The following NRIP1 variants were observed in gnomAD, a reference collection of about 807,000 sequenced individuals.
NRIP1 encodes nuclear receptor interacting protein 1, also known as nuclear receptor-interacting protein 1.
A neutral mutation model predicts 75.0 loss-of-function variants in NRIP1; 28 were observed. The ratio of observed to expected loss-of-function variants is 0.37; its 90% CI spans 0.28 to 0.51. The LOEUF is 0.51. Among genes scored for constraint, NRIP1 ranks in the 20% least tolerant of loss-of-function variants. The pLI is 0.92. For missense variants in NRIP1, 1,435 were observed against 1,343.7 expected, an observed-to-expected ratio of 1.07 and a Z score of -1.06; for synonymous variants, 526 against 487.6, an observed-to-expected ratio of 1.08 and a Z score of -1.04.
intron 3 of NRIP1, among the ~76,000 whole-genome samples, chr21:14,994,229 A>G (rs1336198134): frequency 1.3e-5 from 2 of 152,084 alleles, no homozygotes; most frequent in African/African-American, 4.8e-5. Flanking sequence ...AGTTCAAGTG[A>G]TTCTCATGCC....
chr21:15,031,869 G>A (rs897469824), intron 2 of NRIP1, among the ~76,000 whole-genome samples: 2 of 150,926 alleles, frequency 1.3e-5, no homozygotes, highest in Non-Finnish European at 2.9e-5. Flanking sequence ...CCCTTTCTAT[G>A]TGTATACACT....
chr21:15,056,232 C>T (rs965503656), intron 1 of NRIP1, among the ~76,000 whole-genome samples: 1 of 150,066 alleles, frequency 6.7e-6, no homozygotes, highest in Non-Finnish European at 1.5e-5. Context: ...CCTGAAAAAT[C>T]TAACGATTCT....
intron 1 of NRIP1, chr21:15,052,452 T>C (rs2147373357): frequency 6.6e-6 from 1 of 152,196 alleles, no homozygotes. Context: ...TCCTATCCTA[T>C]CCCCTCACTA....
In NRIP1 at chr21:14,966,777, A is replaced by T; in HGVS notation, c.1416T>A (p.Asp472Glu). The change falls in exon 4 of 4, where the codon GAT (aspartate) becomes GAA (glutamate). Residue 472 changes from aspartate to glutamate, a missense_variant. By Grantham distance (45) the Asp-to-Glu change is conservative. Coordinates refer to ENST00000318948, the MANE Select transcript of NRIP1 (RefSeq NM_003489.4). ...TGATATCTACATCTGGGACTTTTGG[A>T]TCCCAAGTGTTTAGCAAGGATTGAG... ...NFTQSLLNTW[D>E]PKVPDVDIKE... 6.2e-7 allele frequency: 1 copy of T among 1,614,074 alleles called. No homozygotes were observed.
chr21:15,036,281 T>C (rs180938452), intron 2 of NRIP1, among the ~76,000 whole-genome samples: 43 of 152,326 alleles, frequency 2.8e-4, no homozygotes, highest in African/African-American at 9.9e-4. Flanking sequence ...ACCTATTCAG[T>C]TGCCAAAAGG....
At chr21:15,030,900 A>G (rs8128574) in intron 2 of NRIP1, among the ~76,000 whole-genome samples, 5,400 of 35,008 alleles carry the variant, frequency 0.15, 237 homozygotes, top group African/African-American at 0.34. Flanking sequence ...CGCTCGGAGG[A>G]TCACCACATT....
chr21:15,007,767 T>G lies in NRIP1; in HGVS notation c.-335+6577A>C, dbSNP rs548056800. 1.2e-4 allele frequency among the ~76,000 whole-genome samples: 19 copies of G among 152,192 alleles called. No individual in the cohort carries two copies. In the South Asian group the frequency reaches 4.0e-3, roughly 32 times the overall value. Reference sequence around the variant, plus strand: ...TATCCAACGCTAATGAGAAAAAAAATTAACTCAGCAAACATTTCTTGAGTC... The same window carrying G: ...TATCCAACGCTAATGAGAAAAAAAAGTAACTCAGCAAACATTTCTTGAGTC... On this transcript the variant is annotated intron_variant, in intron 3 of 3. Transcript: ENST00000318948.
Position 15,063,262 on chromosome 21 carries a change from A to G in NRIP1, c.-538+1483T>C, listed in dbSNP as rs148988725. ...AGCCAGTGCTCCCTGAACCAAATAA[A>G]CCCTATCGACGTTACCGAACTGCCG... On this transcript the variant is annotated intron_variant, in intron 1 of 3. Transcript: ENST00000318948. Among the ~76,000 whole-genome samples, 113 of 152,204 alleles carry G rather than the reference A, an allele frequency of 7.4e-4. 1 individual carries two copies. In the East Asian group the frequency reaches 0.017, roughly 23 times the overall value.
At chr21:14,978,135 T>C (rs2087127244) in intron 3 of NRIP1, among the ~76,000 whole-genome samples, 2 of 152,076 alleles carry the variant, frequency 1.3e-5, no homozygotes, top group Admixed American at 6.5e-5. Flanking sequence ...TCATTCACAT[T>C]CCCAACTAAA....
rs565385277 is a variant in NRIP1, at chr21:14,966,404, T to C, written c.1789A>G (p.Asn597Asp). The change falls in exon 4 of 4, where the codon AAC (asparagine) becomes GAC (aspartate). Residue 597 changes from asparagine to aspartate, a missense_variant. Physicochemically the swap from Asn to Asp is conservative, Grantham distance 23. Coordinates refer to ENST00000318948, the MANE Select transcript of NRIP1 (RefSeq NM_003489.4). Reference sequence around the variant, plus strand: ...CTTTTTGTAAGGTCCATTGAGTGGTTAGATGCAGTATTTGTTAGCTTTTCA... The same window carrying C: ...CTTTTTGTAAGGTCCATTGAGTGGTCAGATGCAGTATTTGTTAGCTTTTCA... ...QSEKLTNTASNHSMDLTKSKD... is the reference protein window; with the variant it reads ...QSEKLTNTASDHSMDLTKSKD... The C allele has an allele frequency of 6.2e-7, 1 of 1,614,068 alleles. No homozygotes were observed. The highest frequency in any genetic ancestry group is 1.1e-5 in the South Asian group (1 of 91,074).
intron 1 of NRIP1, among the ~76,000 whole-genome samples, chr21:15,062,509 T>C (rs1978388611): frequency 6.6e-6 from 1 of 152,222 alleles, no homozygotes; most frequent in African/African-American, 2.4e-5. Flanking sequence ...GAAAACTCCG[T>C]TTTAAAATCT....
At chr21:14,969,379 A>T (rs911313101) in intron 3 of NRIP1, among the ~76,000 whole-genome samples, 1 of 152,222 alleles carries the variant, frequency 6.6e-6, no homozygotes, top group Non-Finnish European at 1.5e-5. Context: ...ATATATAAAA[A>T]GTACAATGGA....
At chr21:14,991,002 A>G (rs1340402491) in intron 3 of NRIP1, among the ~76,000 whole-genome samples, 1 of 152,080 alleles carries the variant, frequency 6.6e-6, no homozygotes, top group African/African-American at 2.4e-5. Flanking sequence ...GCTGTCAACT[A>G]TTAGGTTGCC....
chr21:14,987,946 C>T (rs1423742224), intron 3 of NRIP1: 3 of 152,156 alleles, frequency 2.0e-5, no homozygotes, highest in Non-Finnish European at 4.4e-5. Context: ...ATTCAATTGC[C>T]ACAGACTGTA....
intron 1 of NRIP1, chr21:15,052,112 A>G (rs1376067377): frequency 2.0e-5 from 3 of 152,170 alleles, no homozygotes; most frequent in African/African-American, 4.8e-5. Flanking sequence ...CCTGATACTC[A>G]ATACATTTGA....
intron 3 of NRIP1, among the ~76,000 whole-genome samples, chr21:14,984,857 A>C (rs1176446718): frequency 6.6e-6 from 1 of 152,230 alleles, no homozygotes; most frequent in Non-Finnish European, 1.5e-5. Context: ...AGTTCTCTGA[A>C]GGTTCAGAGG....
chr21:15,035,727 T>C lies in NRIP1; in HGVS notation c.-458+7768A>G, dbSNP rs185177759. Among the ~76,000 whole-genome samples the C allele has an allele frequency of 2.7e-4, 41 of 152,170 alleles. No homozygotes were observed. The East Asian group carries it at 7.5e-3, about 28-fold the overall frequency. On this transcript the variant is annotated intron_variant, in intron 2 of 3. Transcript: ENST00000318948. ...GTGTGCCACCATGGCCGGTTGATTT[T>C]TTGTATTTTTAGTAGGGACGAGGTT...
At position 14,963,709 on chromosome 21, in the gene NRIP1, C is replaced by T. The variant is rs569060438; in HGVS notation, c.*1007G>A. The T allele has an allele frequency of 2.6e-5, 4 of 152,174 alleles. No homozygotes were observed. Among genetic ancestry groups the T allele is most frequent in the African/African-American group, 9.6e-5 (4 of 41,548 alleles). 9.4% of individuals were successfully genotyped at this position (152,174 alleles called of 1,614,324 possible). ...TAGCAGAGATTCTTGTTCTGTAGAT[C>T]TGAGATGCTGCCTATGAATCTGCAT... On this transcript the variant is annotated 3_prime_UTR_variant, in exon 4 of 4. Transcript: ENST00000318948.
chr21:15,050,635 G>C (rs897938241), intron 1 of NRIP1: 2 of 420,724 alleles, frequency 4.8e-6, no homozygotes, highest in African/African-American at 4.1e-5. Context: ...TCAAACTCAC[G>C]TGACCACAGT....
Sources: allele counts gnomAD v4.1 joint callset (sites outside exome capture counted in the v4.1 genomes callset), GRCh38; gene constraint gnomAD v4.1.1; transcripts MANE v1.5; gene names NCBI Gene and HGNC (gene_info 2026-07-23, HGNC 2026-07-21).